Variants in UBR3 observed in about 807,000 individuals in gnomAD.
The protein encoded by UBR3 is ubiquitin protein ligase E3 component n-recognin 3, also known as E3 ubiquitin-protein ligase UBR3.
In UBR3, 85 loss-of-function variants were observed where a neutral mutation model predicts 243.2. That is an observed-to-expected ratio of 0.35 (90% CI 0.29 to 0.42). The LOEUF (loss-of-function observed/expected upper bound fraction) is 0.42, where lower values mean the gene tolerates loss of function less well. UBR3 is among the 10% of genes least tolerant of loss of function. The pLI is 1.00. For missense variants in UBR3, 1,686 were observed against 2,300.8 expected (o/e 0.73, Z 5.47); for synonymous variants, 748 against 799.8 (o/e 0.94, Z 1.09).
In UBR3 at chr2:169,944,352, CAAGT is replaced by C. The variant is rs2086707178; in HGVS notation, c.2805+1721_2805+1724del. 7.2e-5 allele frequency among the ~76,000 whole-genome samples: 11 copies of C among 152,058 alleles called. 1 individual carries two copies. The South Asian group carries it at 2.1e-3, about 29-fold the overall frequency. ...GTTATAAGTAATAATTAATAAGTGACAAGTAATTCATGAAAAATTAAGGAAGCCT... is the reference window on the plus strand; with the variant it reads ...GTTATAAGTAATAATTAATAAGTGACAATTCATGAAAAATTAAGGAAGCCT... On this transcript the variant is annotated intron_variant, in intron 20 of 38. Transcript: ENST00000272793.
At chr2:170,035,326 T>C (rs1487565640) in intron 31 of UBR3, among the ~76,000 whole-genome samples, 1 of 152,052 alleles carries the variant, frequency 6.6e-6, no homozygotes. Context: ...AATCCATTTT[T>C]AGTTAATTTT....
In UBR3 at chr2:170,083,332, G is replaced by A. The variant is rs530137929; in HGVS notation, c.*1489G>A. 10 of 152,460 alleles carry A rather than the reference G, an allele frequency of 6.6e-5. No individual in the cohort carries two copies. The highest frequency in any genetic ancestry group is 1.2e-4 in the Non-Finnish European group (8 of 67,972). The allele number at this position is 152,460 out of a possible 1,614,324, so 9.4% of individuals were successfully genotyped here. ...TCAGAAAGTCAAAAGATTACCTATC[G>A]TTCTACAATAAAATACATGGAAATA... On this transcript the variant is annotated 3_prime_UTR_variant, in exon 39 of 39. Transcript: ENST00000272793.
At chr2:170,004,833 C>T (rs13409099) in intron 27 of UBR3, among the ~76,000 whole-genome samples, 30,975 of 151,750 alleles carry the variant, frequency 0.2, 3,517 homozygotes, top group East Asian at 0.37. Flanking sequence ...ATTGCTTAAA[C>T]CCGGGAGGTG....
At chr2:169,880,089 G>A (rs1226359052) in intron 5 of UBR3, among the ~76,000 whole-genome samples, 3 of 152,130 alleles carry the variant, frequency 2.0e-5, no homozygotes, top group Non-Finnish European at 4.4e-5. Context: ...CCTATTAAAA[G>A]GCGAGTTCTC....
intron 32 of UBR3, among the ~76,000 whole-genome samples, chr2:170,044,744 A>G (rs576951718): frequency 1.7e-4 from 26 of 152,308 alleles, no homozygotes; most frequent in Non-Finnish European, 2.8e-4. Flanking sequence ...TCTACTTCAC[A>G]GCACCAGATT....
Position 169,958,534 on chromosome 2 carries a change from A to G in UBR3, c.3634+8A>G. 2 of 1,610,836 alleles carry G rather than the reference A, an allele frequency of 1.2e-6. No individual in the cohort carries two copies. The highest frequency in any genetic ancestry group is 1.7e-6 in the Non-Finnish European group (2 of 1,177,884). ...AAACTGCAATGGATGTTGGTAAGTC[A>G]AAATTATTAGTTTAGAACTCTCATA... On this transcript the variant is annotated splice_region_variant and intron_variant, in intron 24 of 38. Transcript: ENST00000272793.
At chr2:170,038,803 A>G (rs1217737277) in intron 31 of UBR3, among the ~76,000 whole-genome samples, 1 of 152,144 alleles carries the variant, frequency 6.6e-6, no homozygotes, top group Non-Finnish European at 1.5e-5. Context: ...ATAGAGGGGA[A>G]AGTATTAGGT....
intron 24 of UBR3, among the ~76,000 whole-genome samples, chr2:169,959,573 G>A (rs1192701575): frequency 6.6e-6 from 1 of 151,974 alleles, no homozygotes; most frequent in African/African-American, 2.4e-5. Flanking sequence ...TTTTCCAGAG[G>A]GACAGAAATG....
chr2:170,028,744 A>G (rs1018776280), intron 30 of UBR3, among the ~76,000 whole-genome samples: 2 of 150,804 alleles, frequency 1.3e-5, no homozygotes, highest in Non-Finnish European at 3.0e-5. Context: ...AAATGTCATG[A>G]GCAGAATTTT....
At position 169,925,480 on chromosome 2, in the gene UBR3, A is replaced by G. The variant is rs939557147; in HGVS notation, c.2023-139A>G. 22 of 751,166 alleles carry G rather than the reference A, an allele frequency of 2.9e-5. No individual in the cohort carries two copies. In the African/African-American group the frequency reaches 2.9e-4, roughly 10 times the overall value. The allele number at this position is 751,166 out of a possible 1,614,324, so 46.5% of individuals were successfully genotyped here. A position where few individuals can be genotyped will look rare whatever the true frequency, so the allele number is the denominator to read the frequency against. ...AAAAAATGTAAAAATGTATATTTCAACTGATTATCTTTAACATTGGACAGA... is the reference window on the plus strand; with the variant it reads ...AAAAAATGTAAAAATGTATATTTCAGCTGATTATCTTTAACATTGGACAGA... On this transcript the variant is annotated intron_variant, in intron 13 of 38. Coordinates refer to ENST00000272793, the MANE Select transcript of UBR3 (RefSeq NM_172070.4).
At chr2:169,971,687 C>T (rs564566529) in intron 24 of UBR3, among the ~76,000 whole-genome samples, 169 of 152,248 alleles carry the variant, frequency 1.1e-3, no homozygotes, top group African/African-American at 3.9e-3. Context: ...TGATCTATAT[C>T]TCTGTTTTGG....
intron 1 of UBR3, among the ~76,000 whole-genome samples, chr2:169,836,287 A>C (rs997665370): frequency 6.7e-6 from 1 of 150,346 alleles, no homozygotes; most frequent in East Asian, 2.0e-4. Flanking sequence ...GTTTCACCAT[A>C]TTGGCCAGGC....
chr2:169,947,574 C>T lies in UBR3; in HGVS notation c.2943C>T (p.Asp981=), dbSNP rs1011447003. Residue 981 remains aspartate (D), a synonymous_variant, in exon 22 of 39, where the codon GAC becomes GAT. Coordinates refer to ENST00000272793, the MANE Select transcript of UBR3 (RefSeq NM_172070.4). Reference sequence around the variant, plus strand: ...TGGGTGGACCAGAACGTTGTCATGACAGTTGGTTTCCTGGCAGTAACTTAG... The same window carrying T: ...TGGGTGGACCAGAACGTTGTCATGATAGTTGGTTTCCTGGCAGTAACTTAG... ...ASVGGPERCH[D]SWFPGSNLVS... The T allele has an allele frequency of 5.3e-6, 8 of 1,518,624 alleles. 1 individual carries two copies. The African/African-American group carries it at 9.8e-5, about 19-fold the overall frequency. 94.1% of individuals were successfully genotyped at this position (1,518,624 alleles called of 1,614,324 possible).
chr2:170,013,927 G>A (rs747948064), intron 29 of UBR3: 36 of 469,030 alleles, frequency 7.7e-5, no homozygotes, highest in Non-Finnish European at 7.1e-5. Flanking sequence ...GTCTCCGCTC[G>A]CTTTCTGTCC....
In UBR3 at chr2:169,975,442, T is replaced by A. The variant is rs189253592; in HGVS notation, c.3635-11203T>A. 2.0e-3 allele frequency among the ~76,000 whole-genome samples: 304 copies of A among 152,366 alleles called. 3 individuals carry two copies. Among genetic ancestry groups the A allele is most frequent in the African/African-American group, 7.0e-3 (292 of 41,580 alleles). ...GTGTATTCTGCTGCTTTTGTTGAAA[T>A]GTTCTGTAAAAGTCTGTTAGGTCTA... is the stretch of plus-strand genomic sequence containing the variant. On this transcript the variant is annotated intron_variant, in intron 24 of 38. Coordinates refer to ENST00000272793, the MANE Select transcript of UBR3 (RefSeq NM_172070.4).
intron 8 of UBR3, among the ~76,000 whole-genome samples, chr2:169,904,651 A>G (rs2084949151): frequency 6.6e-6 from 1 of 151,994 alleles, no homozygotes; most frequent in African/African-American, 2.4e-5. Context: ...TATTTTTTGC[A>G]TAGAAGAAAG....
intron 1 of UBR3, 35 bp from the exon 2 acceptor site, chr2:169,872,201 C>G: frequency 7.2e-7 from 1 of 1,385,854 alleles, no homozygotes; most frequent in Non-Finnish European, 9.7e-7. Flanking sequence ...GCTGATTAGA[C>G]ATTACTGTTA....
intron 24 of UBR3, 114 bp downstream of exon 24, chr2:169,958,640 T>C: frequency 1.1e-6 from 1 of 879,126 alleles, no homozygotes; most frequent in Non-Finnish European, 1.7e-6. Flanking sequence ...TTCTAGTGTT[T>C]ATTTGGTCCT....
intron 19 of UBR3, among the ~76,000 whole-genome samples, chr2:169,933,606 A>G (rs146547872): frequency 6.6e-6 from 1 of 152,330 alleles, no homozygotes; most frequent in Non-Finnish European, 1.5e-5. Flanking sequence ...AGTTAATATT[A>G]TATTGCCAAA....
Sources: gnomAD v4.1 joint callset for allele counts (sites outside exome capture counted in the v4.1 genomes callset) on GRCh38, gnomAD v4.1.1 for gene constraint, MANE v1.5 for transcripts, NCBI Gene and HGNC (gene_info 2026-07-23, HGNC 2026-07-21) for gene names.